The following POGZ variants were observed in gnomAD, a reference collection of about 807,000 sequenced individuals.
POGZ encodes the protein pogo transposable element derived with ZNF domain.
In POGZ, 17 loss-of-function variants were observed where a neutral mutation model predicts 134.6. That is an observed-to-expected ratio of 0.13 (90% CI 0.09 to 0.19). POGZ has a LOEUF of 0.19. POGZ is among the 10% of genes least tolerant of loss of function. POGZ has a pLI of 1.00. For missense variants in POGZ, 1,306 were observed against 1,769.7 expected (o/e 0.74, Z 4.70); for synonymous variants, 693 against 657.1 (o/e 1.05, Z -0.84).
At chr1:151,445,075 G>A (rs547350851) in intron 1 of POGZ, among the ~76,000 whole-genome samples, 2 of 151,934 alleles carry the variant, frequency 1.3e-5, no homozygotes, top group African/African-American at 4.8e-5. Flanking sequence ...AAAAACAAAT[G>A]GAAATAACCA....
intron 10 of POGZ, among the ~76,000 whole-genome samples, chr1:151,419,995 C>T (rs948108515): frequency 6.6e-6 from 1 of 151,924 alleles, no homozygotes; most frequent in Non-Finnish European, 1.5e-5. Context: ...CCAGACTGGG[C>T]AACACAGCAA....
intron 4 of POGZ, among the ~76,000 whole-genome samples, chr1:151,430,401 A>T (rs1000157122): frequency 2.6e-5 from 4 of 152,190 alleles, no homozygotes; most frequent in Non-Finnish European, 4.4e-5. Flanking sequence ...AGGCTTCCTA[A>T]TTCAAGTTTT....
At chr1:151,417,574 C>T (rs1006009552) in intron 10 of POGZ, among the ~76,000 whole-genome samples, 1 of 151,208 alleles carries the variant, frequency 6.6e-6, no homozygotes, top group Admixed American at 6.6e-5. Context: ...GTTGGCCAGG[C>T]TGGTCTTGAA....
intron 1 of POGZ, among the ~76,000 whole-genome samples, chr1:151,455,886 G>GTTTC (rs1019447903): frequency 7.2e-6 from 1 of 139,030 alleles, no homozygotes; most frequent in Non-Finnish European, 1.5e-5. Flanking sequence ...ACAAACGGTA[G>GTTTC]TTTCTTTCTT....
chr1:151,458,228 A>G (rs12068166), intron 1 of POGZ, among the ~76,000 whole-genome samples: 125,794 of 152,024 alleles, frequency 0.83, 52,259 homozygotes, highest in African/African-American at 0.85. Flanking sequence ...AAGACGGAAA[A>G]CAAATAGATC....
At chr1:151,458,825 C>CGCGGCGG (rs1017551297) in intron 1 of POGZ, among the ~76,000 whole-genome samples, 11 of 145,508 alleles carry the variant, frequency 7.6e-5, no homozygotes, top group Admixed American at 3.4e-4. Context: ...GCGCGCGCGC[C>CGCGGCGG]GCGGCGGGCG....
intron 3 of POGZ, among the ~76,000 whole-genome samples, chr1:151,433,024 T>C (rs1658959578): frequency 6.6e-6 from 1 of 152,232 alleles, no homozygotes; most frequent in African/African-American, 2.4e-5. Flanking sequence ...CTATATTTTT[T>C]AGTCATTATT....
intron 10 of POGZ, among the ~76,000 whole-genome samples, chr1:151,420,896 G>A (rs1033577455): frequency 7.3e-5 from 11 of 151,142 alleles, no homozygotes; most frequent in African/African-American, 2.2e-4. Flanking sequence ...TACAGTAGAC[G>A]CCCTTTGCCA....
In POGZ at chr1:151,424,145, C is replaced by G. The variant is rs375360467; in HGVS notation, c.1327G>C (p.Ala443Pro). 3 of 1,614,122 alleles carry G rather than the reference C, an allele frequency of 1.9e-6. No individual in the cohort carries two copies. Among genetic ancestry groups the G allele is most frequent in the Non-Finnish European group, 2.5e-6 (3 of 1,180,026 alleles). The change falls in exon 9 of 19, where the codon GCT (alanine) becomes CCT (proline). Residue 443 changes from alanine to proline, a missense_variant. Ala to Pro is a conservative substitution (Grantham distance 27). Around this residue, in one of 10 missense-constraint regions of POGZ, gnomAD observed 541 missense variants for 680.5 expected, o/e 0.80. Coordinates refer to ENST00000271715, the MANE Select transcript of POGZ (RefSeq NM_015100.4). ...ASTPSSTPIP[A>P]LSPPTKVPEP... ...GGTACTTTGGTAGGCGGTGACAGAG[C>G]AGGAATAGGTGTAGAAGAGGGTGTG...
At chr1:151,458,955 G>A (rs1180905122) in intron 1 of POGZ, among the ~76,000 whole-genome samples, 197 bp downstream of exon 1, 23 of 144,042 alleles carry the variant, frequency 1.6e-4, no homozygotes, top group Admixed American at 1.6e-3. Context: ...CGCACCCCGC[G>A]GCCGCCCCTG....
In POGZ at chr1:151,419,991, T is replaced by C. The variant is rs991346304; in HGVS notation, c.1678+3406A>G. The stretch of plus-strand genomic sequence containing the variant: ...GTAAAAATGAGTTAGGTGCCCAGAC[T>C]GGGCAACACAGCAAGACCCTGTCTC... On this transcript the variant is annotated intron_variant, in intron 10 of 18. Coordinates refer to ENST00000271715, the MANE Select transcript of POGZ (RefSeq NM_015100.4). 3.3e-5 allele frequency among the ~76,000 whole-genome samples: 5 copies of C among 152,146 alleles called. No homozygotes were observed. The South Asian group carries it at 1.0e-3, about 32-fold the overall frequency.
At chr1:151,451,788 G>T (rs928693418) in intron 1 of POGZ, among the ~76,000 whole-genome samples, 1 of 151,580 alleles carries the variant, frequency 6.6e-6, no homozygotes, top group Non-Finnish European at 1.5e-5. Context: ...AAAACTAATA[G>T]AAGTCTCTTT....
At chr1:151,411,587 AAAAC>A (rs1654682137) in intron 12 of POGZ, 34 bp downstream of exon 12, 2 of 1,501,548 alleles carry the variant, frequency 1.3e-6, no homozygotes, top group African/African-American at 2.8e-5. Context: ...AAAAAAAAAA[AAAAC>A]AAGAGAATAT....
At chr1:151,411,252 G>T (rs1654614998) in intron 12 of POGZ, among the ~76,000 whole-genome samples, 1 of 152,138 alleles carries the variant, frequency 6.6e-6, no homozygotes, top group Non-Finnish European at 1.5e-5. Flanking sequence ...CCACAATTTT[G>T]CTTTGTGCCT....
chr1:151,412,637 A>C (rs1654871702), intron 10 of POGZ, among the ~76,000 whole-genome samples: 1 of 152,184 alleles, frequency 6.6e-6, no homozygotes, highest in South Asian at 2.1e-4. Context: ...AGACATTTTA[A>C]ATTGGTTATT....
chr1:151,434,966 C>A (rs1322208054), intron 3 of POGZ, among the ~76,000 whole-genome samples: 1 of 149,940 alleles, frequency 6.7e-6, no homozygotes, highest in African/African-American at 2.5e-5. Flanking sequence ...AATGGCATGA[C>A]CTCAGCTCAC....
At chr1:151,418,102 G>C (rs1204067373) in intron 10 of POGZ, among the ~76,000 whole-genome samples, 3 of 152,010 alleles carry the variant, frequency 2.0e-5, no homozygotes, top group Non-Finnish European at 4.4e-5. Context: ...TGTAATCCCA[G>C]CTACTCAGGA....
rs543244834 is a variant in POGZ, at chr1:151,418,427, G to A, written c.1678+4970C>T. Among the ~76,000 whole-genome samples, 27 of 152,272 alleles carry A rather than the reference G, an allele frequency of 1.8e-4. No homozygotes were observed. The East Asian group carries it at 5.2e-3, about 29-fold the overall frequency. On this transcript the variant is annotated intron_variant, in intron 10 of 18. Transcript: ENST00000271715. ...AGAGAGAGTAGAATGGTGGTTACCA[G>A]AGGCTGGGAAGAGTAGGGGAGTAGA...
rs1271504291 is a variant in POGZ, at chr1:151,405,764, G to A, written c.3271C>T (p.His1091Tyr). 6.2e-6 allele frequency: 10 copies of A among 1,614,068 alleles called. No individual in the cohort carries two copies. The highest frequency in any genetic ancestry group is 5.0e-5 in the Admixed American group (3 of 60,000). Residue 1091 changes from histidine (H) to tyrosine (Y), a missense_variant, in exon 19 of 19, where the codon CAC becomes TAC. By Grantham distance (83) the His-to-Tyr change is moderately conservative. Coordinates refer to ENST00000271715, the MANE Select transcript of POGZ (RefSeq NM_015100.4). This position sits in a 1 kb window ranked among gnomAD's most constrained non-coding sequence, Gnocchi z 4.9. The part of the protein sequence containing the change: ...LTPHARRAVA[H>Y]TLPKDVAENA... ...TCTGCTACATCCTTAGGTAGGGTGTGGGCCACAGCTCGCCGGGCATGGGGA... is the reference window on the plus strand; with the variant it reads ...TCTGCTACATCCTTAGGTAGGGTGTAGGCCACAGCTCGCCGGGCATGGGGA...
Sources: gnomAD v4.1 joint callset for allele counts (sites outside exome capture counted in the v4.1 genomes callset) on GRCh38, gnomAD v4.1.1 for gene constraint, gnomAD v4.1.1 regional missense constraint, Gnocchi (gnomAD v3.1) non-coding constraint, MANE v1.5 for transcripts, NCBI Gene and HGNC (gene_info 2026-07-23, HGNC 2026-07-21) for gene names.